Variants in CYP19A1 observed in about 807,000 individuals in gnomAD.
CYP19A1 encodes the protein cytochrome P450 family 19 subfamily A member 1, also known as aromatase.
In CYP19A1, 32 loss-of-function variants were observed where a neutral mutation model predicts 44.4. The observed-to-expected ratio is 0.72, with a 90% confidence interval of 0.54 to 0.97. CYP19A1 has a LOEUF of 0.97. CYP19A1 is among the 50% of genes least tolerant of loss of function. The pLI is 0.00. For synonymous variants in CYP19A1, 212 were observed against 215.6 expected (o/e 0.98, Z 0.14); for missense variants, 598 against 637.8 (o/e 0.94, Z 0.67).
chr15:51,254,973 G>A (rs2034460646), intron 1 of CYP19A1, among the ~76,000 whole-genome samples: 1 of 152,132 alleles, frequency 6.6e-6, no homozygotes, highest in South Asian at 2.1e-4. Context: ...AATGAGATGA[G>A]ATGGATCGAA....
At chr15:51,256,668 C>T (rs375500104) in intron 1 of CYP19A1, among the ~76,000 whole-genome samples, 2 of 152,138 alleles carry the variant, frequency 1.3e-5, no homozygotes, top group Non-Finnish European at 2.9e-5. Context: ...ATTCTATAAC[C>T]GGGTAATGGA....
At chr15:51,239,510 C>T (rs2033613873) in intron 2 of CYP19A1, among the ~76,000 whole-genome samples, 1 of 152,068 alleles carries the variant, frequency 6.6e-6, no homozygotes, top group Non-Finnish European at 1.5e-5. Context: ...ATCTTAGAAA[C>T]ATACTATTGA....
chr15:51,323,020 GA>G (rs1419628336), intron 1 of CYP19A1, among the ~76,000 whole-genome samples: 1 of 152,256 alleles, frequency 6.6e-6, no homozygotes, highest in African/African-American at 2.4e-5. Flanking sequence ...TGCACCAAAT[GA>G]ATGCTGGAGC....
At chr15:51,267,401 T>A (rs1022918964) in intron 1 of CYP19A1, among the ~76,000 whole-genome samples, 1 of 152,174 alleles carries the variant, frequency 6.6e-6, no homozygotes, top group African/African-American at 2.4e-5. Flanking sequence ...TGTCCACCTG[T>A]CTCGGCAGGG....
At chr15:51,330,306 G>A (rs971876312) in intron 1 of CYP19A1, among the ~76,000 whole-genome samples, 1 of 152,142 alleles carries the variant, frequency 6.6e-6, no homozygotes, top group Non-Finnish European at 1.5e-5. Context: ...CGACATCGTT[G>A]AGGTGTGTTG....
chr15:51,222,027 A>T, intron 5 of CYP19A1: 1 of 507,670 alleles, frequency 2.0e-6, no homozygotes. Flanking sequence ...TAAATATATA[A>T]AGTTGATTGG....
intron 1 of CYP19A1, among the ~76,000 whole-genome samples, chr15:51,251,098 G>A (rs557714877): frequency 2.1e-4 from 32 of 152,302 alleles, no homozygotes; most frequent in African/African-American, 7.5e-4. Context: ...CTGAGGGGGA[G>A]CACTGAAACT....
At chr15:51,246,349 T>G (rs2034054524) in intron 1 of CYP19A1, among the ~76,000 whole-genome samples, 1 of 152,128 alleles carries the variant, frequency 6.6e-6, no homozygotes, top group Non-Finnish European at 1.5e-5. Context: ...CACTGCCCTC[T>G]CAGGGTCATT....
rs867968124 is a variant in CYP19A1, at chr15:51,209,248, A to G, written c.*1560T>C. 2.6e-5 allele frequency: 4 copies of G among 152,186 alleles called. No homozygotes were observed. Among genetic ancestry groups the G allele is most frequent in the African/African-American group, 9.7e-5 (4 of 41,432 alleles). 9.4% of individuals were successfully genotyped at this position (152,186 alleles called of 1,614,324 possible). A position where few individuals can be genotyped will look rare whatever the true frequency, so the allele number is the denominator to read the frequency against. ...ACCTACCTCTTTATTTGGTTTCTGC[A>G]TCAGTTGGGAGTATCTCTGAGCAGG... On this transcript the variant is annotated 3_prime_UTR_variant, in exon 10 of 10. Transcript: ENST00000396402.
At chr15:51,276,046 C>T (rs1239949277) in intron 1 of CYP19A1, among the ~76,000 whole-genome samples, 1 of 152,126 alleles carries the variant, frequency 6.6e-6, no homozygotes, top group Non-Finnish European at 1.5e-5. Flanking sequence ...TAAAACTATC[C>T]TTTTTCCTAG....
intron 1 of CYP19A1, among the ~76,000 whole-genome samples, chr15:51,252,710 AC>A (rs2034366672): frequency 6.6e-6 from 1 of 152,146 alleles, no homozygotes; most frequent in Non-Finnish European, 1.5e-5. Context: ...TGGAGGGCAC[AC>A]GGAGTGTGCG....
At chr15:51,315,488 C>A (rs1386081817) in intron 1 of CYP19A1, among the ~76,000 whole-genome samples, 1 of 152,074 alleles carries the variant, frequency 6.6e-6, no homozygotes. Context: ...CTCTGTCCTT[C>A]ACTAGACTAC....
intron 1 of CYP19A1, among the ~76,000 whole-genome samples, chr15:51,270,237 A>G (rs2414101): frequency 0.44 from 66,204 of 151,518 alleles, 14,595 homozygotes; most frequent in African/African-American, 0.46. Flanking sequence ...TTATGTTCCA[A>G]TTGACTGCTG....
At chr15:51,293,660 G>C (rs562395115) in intron 1 of CYP19A1, 1 of 154,396 alleles carries the variant, frequency 6.5e-6, no homozygotes, top group African/African-American at 2.4e-5. Flanking sequence ...CTCCCTGCCT[G>C]ATTCTCCTGC....
rs1051073444 is a variant in CYP19A1 at position 51,305,195 on chromosome 15, C to T, written c.-39+33300G>A. Among the ~76,000 whole-genome samples the T allele has an allele frequency of 4.6e-5, 7 of 151,992 alleles. No homozygotes were observed. In the South Asian group the frequency reaches 6.2e-4, roughly 14 times the overall value. Reference sequence around the variant, plus strand: ...GATCACAGGCGTGATCCATCGCGCCCGGCCACGTCTCTTCCTTTCAATGTA... The same window carrying T: ...GATCACAGGCGTGATCCATCGCGCCTGGCCACGTCTCTTCCTTTCAATGTA... On this transcript the variant is annotated intron_variant, in intron 1 of 9. Transcript: ENST00000396402.
At chr15:51,240,014 G>A (rs2033651141) in intron 2 of CYP19A1, among the ~76,000 whole-genome samples, 1 of 152,006 alleles carries the variant, frequency 6.6e-6, no homozygotes, top group African/African-American at 2.4e-5. Flanking sequence ...CAGATCAGTG[G>A]TCTGGGAGCA....
chr15:51,318,908 A>G (rs1171778019), intron 1 of CYP19A1: 4 of 152,232 alleles, frequency 2.6e-5, no homozygotes, highest in Admixed American at 6.5e-5. Flanking sequence ...TATGTCCAGC[A>G]TTCCAGCATG....
chr15:51,329,389 C>T (rs1192716876), intron 1 of CYP19A1, among the ~76,000 whole-genome samples: 2 of 152,134 alleles, frequency 1.3e-5, no homozygotes, highest in South Asian at 2.1e-4. Flanking sequence ...GAGCTGACTG[C>T]CCCCAGGATT....
rs1034033433 is a variant in CYP19A1 at position 51,287,496 on chromosome 15, G to A, written c.-38-44546C>T. ...ACAAGTGCCACTTCTGAAGCTGTGT[G>A]GGCCTCGTCAGCACTCCTGGGCAGC... On this transcript the variant is annotated intron_variant, in intron 1 of 9. Transcript: ENST00000396402. Among the ~76,000 whole-genome samples, 4 of 152,164 alleles carry A rather than the reference G, an allele frequency of 2.6e-5. No homozygotes were observed. In the South Asian group the frequency reaches 8.3e-4, roughly 32 times the overall value.
Sources: gnomAD v4.1 joint callset for allele counts (sites outside exome capture counted in the v4.1 genomes callset) on GRCh38, gnomAD v4.1.1 for gene constraint, MANE v1.5 for transcripts, NCBI Gene and HGNC (gene_info 2026-07-23, HGNC 2026-07-21) for gene names.